RSKR: variants seen among roughly 807,000 people sequenced by gnomAD.
The protein encoded by RSKR is ribosomal protein S6 kinase-related protein.
Under a neutral mutation model 56.8 loss-of-function variants are expected in RSKR, and 44 were observed. That is an observed-to-expected ratio of 0.77 (90% CI 0.61 to 1.00). The LOEUF is 1.00. RSKR is among the 50% of genes least tolerant of loss of function. RSKR has a pLI of 0.00. For missense variants in RSKR, 510 were observed against 506.9 expected, an observed-to-expected ratio of 1.01 and a Z score of -0.06; for synonymous variants, 181 against 188.0, an observed-to-expected ratio of 0.96 and a Z score of 0.30.
In RSKR at chr17:28,610,555, T is replaced by C; in HGVS notation, c.1156A>G (p.Ser386Gly). Residue 386 changes from serine to glycine, a missense_variant, in exon 12 of 12, where the codon AGT becomes GGT. Transcript: ENST00000301037. ...TCAAAGGGCATGGTCTCCGCTGAAC[T>C]GGGCTGGGTAGCTTGTGTCTCCGTG... Reference protein sequence around the residue: ...FVTETQATQPSSAETMPFDDF... With the variant: ...FVTETQATQPGSAETMPFDDF... The C allele has an allele frequency of 6.5e-7, 1 of 1,536,040 alleles. No individual in the cohort carries two copies. The highest frequency in any genetic ancestry group is 8.7e-7 in the Non-Finnish European group (1 of 1,146,902).
chr17:28,613,595 C>A lies in RSKR; in HGVS notation c.169G>T (p.Glu57Ter). The change falls in exon 2 of 12, where the codon GAA (glutamate) becomes TAA (stop). Residue 57 changes from glutamate to a stop codon, truncating the protein, a stop_gained. Transcript: ENST00000301037. LOFTEE classifies it high-confidence loss of function. ...TIRSDLEELW[E>*]LRGHHYLHQE... ...TGCAGATAGTGGTGCCCCCGTAGTT[C>A]CCAGAGTTCTTCCAGATCTGACCTG... 1 of 1,614,118 alleles carries A rather than the reference C, an allele frequency of 6.2e-7. No homozygotes were observed. Among genetic ancestry groups the A allele is most frequent in the South Asian group, 1.1e-5 (1 of 91,072 alleles).
At chr17:28,613,871 C>A in intron 1 of RSKR, 183 bp from the exon 2 acceptor site, 2 of 1,048,632 alleles carry the variant, frequency 1.9e-6, no homozygotes, top group Non-Finnish European at 2.7e-6. Flanking sequence ...CAATTCAAAT[C>A]CTCTAGGAAA....
rs1364446052 is a variant in RSKR, at chr17:28,609,026, T to G, written c.*1452A>C. 1 of 148,456 alleles carries G rather than the reference T, an allele frequency of 6.7e-6. No individual in the cohort carries two copies. The highest frequency in any genetic ancestry group is 6.7e-5 in the Admixed American group (1 of 14,980). 9.2% of individuals were successfully genotyped at this position (148,456 alleles called of 1,614,324 possible). On this transcript the variant is annotated 3_prime_UTR_variant, in exon 12 of 12. Coordinates refer to ENST00000301037, the MANE Select transcript of RSKR (RefSeq NM_001174103.2). ...AGGTTATTGAGATATGTCTCTAACC[T>G]TAAATCTTTTTTTTTTTTTTTTTTT...
intron 1 of RSKR, 75 bp downstream of exon 1, chr17:28,614,012 C>G (rs748566529): frequency 1.7e-4 from 273 of 1,569,192 alleles, no homozygotes; most frequent in Non-Finnish European, 2.3e-4. Flanking sequence ...ATGCTCCTAA[C>G]CAGGAACTTC....
In RSKR at chr17:28,613,100, C is replaced by T. The variant is rs1292178457; in HGVS notation, c.455G>A (p.Cys152Tyr). The part of the protein sequence containing the change: ...KVLQRDTVRQ[C>Y]KEEVSIQRQI... ...TACCTGGATGCTAACCTCCTCTTTGCACTGCCTCACGGTATCCCTCTGTAG... is the reference window on the plus strand; with the variant it reads ...TACCTGGATGCTAACCTCCTCTTTGTACTGCCTCACGGTATCCCTCTGTAG... The change falls in exon 4 of 12, where the codon TGC becomes TAC. Residue 152 changes from cysteine to tyrosine, a missense_variant. Transcript: ENST00000301037. 4 of 1,614,030 alleles carry T rather than the reference C, an allele frequency of 2.5e-6. No homozygotes were observed. The African/African-American group carries it at 4.0e-5, about 16-fold the overall frequency.
rs570958064 is a variant in RSKR, at chr17:28,612,640, C to T, written c.525G>A (p.Gln175=). 4.0e-5 allele frequency: 64 copies of T among 1,614,068 alleles called. No homozygotes were observed. The highest frequency in any genetic ancestry group is 5.2e-5 in the Non-Finnish European group (61 of 1,180,040). Residue 175 remains glutamine, a synonymous_variant, in exon 5 of 12, where the codon CAG becomes CAA. Transcript: ENST00000301037. ...CACTAATGAAAAGGTGCCGTTTTCC[C>T]TGCCAGCTGTCCCCCAAGCTGTGTA... The part of the protein sequence containing the change: ...PFVHSLGDSW[Q]GKRHLFIMCS...
At chr17:28,610,907 G>C in intron 11 of RSKR, 4 of 657,556 alleles carry the variant, frequency 6.1e-6, no homozygotes, top group Non-Finnish European at 1.0e-5. Context: ...TTTCAGATGA[G>C]TGTACAGTGT....
rs368947981 is a variant in RSKR, at chr17:28,613,130, T to C, written c.425A>G (p.Lys142Arg). ...CCTCACGGTATCCCTCTGTAGGACCTTTACCTTGGGCACCACCTATAAAAG... is the reference window on the plus strand; with the variant it reads ...CCTCACGGTATCCCTCTGTAGGACCCTTACCTTGGGCACCACCTATAAAAG... ...VFAVKVVPKV[K>R]VLQRDTVRQC... Residue 142 changes from lysine to arginine, a missense_variant, in exon 4 of 12, where the codon AAG (lysine) becomes AGG (arginine). Lys to Arg is a conservative substitution (Grantham distance 26). Coordinates refer to ENST00000301037, the MANE Select transcript of RSKR (RefSeq NM_001174103.2). 2.2e-5 allele frequency: 35 copies of C among 1,613,868 alleles called. No homozygotes were observed. The highest frequency in any genetic ancestry group is 2.9e-5 in the Non-Finnish European group (34 of 1,180,026).
In RSKR at chr17:28,610,564, T is replaced by A; in HGVS notation, c.1147A>T (p.Thr383Ser). 6.5e-7 allele frequency: 1 copy of A among 1,535,930 alleles called. No homozygotes were observed. Among genetic ancestry groups the A allele is most frequent in the Non-Finnish European group, 8.7e-7 (1 of 1,146,874 alleles). ...PVNFVTETQA[T>S]QPSSAETMPF... ...ATGGTCTCCGCTGAACTGGGCTGGG[T>A]AGCTTGTGTCTCCGTGACAAAGTTC... The change falls in exon 12 of 12, where the codon ACC becomes TCC. Residue 383 changes from threonine to serine, a missense_variant. Coordinates refer to ENST00000301037, the MANE Select transcript of RSKR (RefSeq NM_001174103.2).
Position 28,610,373 on chromosome 17 carries a change from G to C in RSKR, c.*105C>G. ...AGCCTAGGAGAGCAGAACGGTAAGAGGCTACAAAATAAAAACAAACTGGAT... is the reference window on the plus strand; with the variant it reads ...AGCCTAGGAGAGCAGAACGGTAAGACGCTACAAAATAAAAACAAACTGGAT... On this transcript the variant is annotated 3_prime_UTR_variant, in exon 12 of 12. Coordinates refer to ENST00000301037, the MANE Select transcript of RSKR (RefSeq NM_001174103.2). 1 of 1,049,618 alleles carries C rather than the reference G, an allele frequency of 9.5e-7. No individual in the cohort carries two copies. Among genetic ancestry groups the C allele is most frequent in the Non-Finnish European group, 1.4e-6 (1 of 724,950 alleles). 65.0% of individuals were successfully genotyped at this position (1,049,618 alleles called of 1,614,324 possible).
At chr17:28,610,997 T>TA in intron 11 of RSKR, 146 bp downstream of exon 11, 1 of 750,364 alleles carries the variant, frequency 1.3e-6, no homozygotes. Flanking sequence ...TGTGACTCAG[T>TA]ACAGCTTAGA....
intron 6 of RSKR, 32 bp from the exon 7 acceptor site, chr17:28,612,116 C>T (rs1482872806): frequency 3.1e-6 from 5 of 1,612,398 alleles, no homozygotes; most frequent in African/African-American, 1.3e-5. Flanking sequence ...TATGCTGCAG[C>T]TTTTCTGTCC....
At position 28,611,238 on chromosome 17, in the gene RSKR, C is replaced by T. The variant is rs2070808789; in HGVS notation, c.916G>A (p.Glu306Lys). The T allele has an allele frequency of 6.5e-7, 1 of 1,535,984 alleles. No individual in the cohort carries two copies. The highest frequency in any genetic ancestry group is 8.7e-7 in the Non-Finnish European group (1 of 1,146,776). ...GCCAACATGGCCACATGATCTCTCT[C>T]TGCAGCCACTGGAAACTGAGTTAAG... ...LATGKFPVAAERDHVAMLASV... is the reference protein window; with the variant it reads ...LATGKFPVAAKRDHVAMLASV... Residue 306 changes from glutamate (E) to lysine (K), a missense_variant, in exon 11 of 12, where the codon GAG becomes AAG. Glu to Lys is a moderately conservative substitution (Grantham distance 56). Transcript: ENST00000301037.
chr17:28,611,094 G>A (rs1394895096), intron 11 of RSKR, 49 bp downstream of exon 11: 1 of 1,450,270 alleles, frequency 6.9e-7, no homozygotes, highest in Admixed American at 2.0e-5. Context: ...GAAGGCAGGA[G>A]AGCATTAATG....
At chr17:28,613,007 G>A (rs769967604) in intron 4 of RSKR, 71 bp downstream of exon 4, 57 of 1,497,062 alleles carry the variant, frequency 3.8e-5, no homozygotes, top group Non-Finnish European at 5.2e-5. Flanking sequence ...AAAAGAAGGT[G>A]GGCAAGAAAG....
chr17:28,614,009 T>C, intron 1 of RSKR, 78 bp downstream of exon 1: 1 of 1,564,602 alleles, frequency 6.4e-7, no homozygotes, highest in South Asian at 1.2e-5. Flanking sequence ...TCCATGCTCC[T>C]AACCAGGAAC....
intron 5 of RSKR, 89 bp downstream of exon 5, chr17:28,612,529 G>A: frequency 6.8e-7 from 1 of 1,475,402 alleles, no homozygotes; most frequent in Non-Finnish European, 9.4e-7. Flanking sequence ...GGGGGACAGA[G>A]CAAAGGCAGA....
At position 28,611,164 on chromosome 17, in the gene RSKR, G is replaced by A; in HGVS notation, c.990C>T (p.Gly330=). 3.3e-6 allele frequency: 5 copies of A among 1,536,234 alleles called. No homozygotes were observed. Among genetic ancestry groups the A allele is most frequent in the Non-Finnish European group, 4.4e-6 (5 of 1,146,830 alleles). Residue 330 remains glycine, a synonymous_variant, in exon 11 of 12, where the codon GGC becomes GGT. Coordinates refer to ENST00000301037, the MANE Select transcript of RSKR (RefSeq NM_001174103.2). ...TTACCTCATGGAGCAGGAGTGAGAG[G>A]CCCTGGTTAAGAGAAGCTGGGATCT... ...DSEIPASLNQ[G]LSLLLHELLC...
rs1038578003 is a variant in RSKR, at chr17:28,613,592, G to A, written c.172C>T (p.Leu58=). The A allele has an allele frequency of 5.0e-6, 8 of 1,614,032 alleles. No individual in the cohort carries two copies. The African/African-American group carries it at 9.3e-5, about 19-fold the overall frequency. Residue 58 remains leucine, a synonymous_variant, in exon 2 of 12, where the codon CTA becomes TTA. Transcript: ENST00000301037. ...TGGTGCAGATAGTGGTGCCCCCGTA[G>A]TTCCCAGAGTTCTTCCAGATCTGAC... ...IRSDLEELWE[L]RGHHYLHQES...
Sources: gnomAD v4.1 joint callset for allele counts on GRCh38, gnomAD v4.1.1 for gene constraint, MANE v1.5 for transcripts, NCBI Gene and HGNC (gene_info 2026-07-23, HGNC 2026-07-21) for gene names.